MAP2K1: variants seen among roughly 807,000 people sequenced by gnomAD.
MAP2K1 encodes dual specificity mitogen-activated protein kinase kinase 1.
A neutral mutation model predicts 46.3 loss-of-function variants in MAP2K1; 16 were observed. That is an observed-to-expected ratio of 0.35 (90% CI 0.23 to 0.52). The LOEUF (loss-of-function observed/expected upper bound fraction) is 0.52, where lower values mean the gene tolerates loss of function less well. Among genes scored for constraint, MAP2K1 ranks in the 20% least tolerant of loss-of-function variants. MAP2K1 has a pLI of 0.94. For synonymous variants in MAP2K1, 183 were observed against 185.6 expected, an observed-to-expected ratio of 0.99 and a Z score of 0.11; for missense variants, 263 against 497.1, an observed-to-expected ratio of 0.53 and a Z score of 4.48.
At chr15:66,478,343 T>C (rs1319701516) in intron 5 of MAP2K1, among the ~76,000 whole-genome samples, 2 of 143,722 alleles carry the variant, frequency 1.4e-5, no homozygotes, top group East Asian at 3.9e-4. Flanking sequence ...TACACACATA[T>C]ATGTTAAATA....
chr15:66,431,999 C>T (rs1282791610), intron 1 of MAP2K1, among the ~76,000 whole-genome samples: 1 of 152,136 alleles, frequency 6.6e-6, no homozygotes, highest in Non-Finnish European at 1.5e-5. Context: ...TCCAGCTCCA[C>T]CCATGTTCCC....
At chr15:66,469,697 C>G (rs887687894) in intron 5 of MAP2K1, among the ~76,000 whole-genome samples, 4 of 132,530 alleles carry the variant, frequency 3.0e-5, no homozygotes, top group African/African-American at 1.1e-4. Context: ...TTTAAAGACA[C>G]ACACACACAC....
At chr15:66,395,392 C>G (rs2093365033) in intron 1 of MAP2K1, among the ~76,000 whole-genome samples, 1 of 152,154 alleles carries the variant, frequency 6.6e-6, no homozygotes, top group African/African-American at 2.4e-5. Flanking sequence ...TTGGCCCTGC[C>G]TTGCCTATCT....
At chr15:66,459,831 A>G (rs144291095) in intron 5 of MAP2K1, among the ~76,000 whole-genome samples, 1 of 152,102 alleles carries the variant, frequency 6.6e-6, no homozygotes, top group East Asian at 1.9e-4. Flanking sequence ...TTGTTTTATA[A>G]GCTGTTTGTA....
intron 5 of MAP2K1, among the ~76,000 whole-genome samples, chr15:66,478,066 C>T (rs991448811): frequency 6.6e-5 from 10 of 151,692 alleles, no homozygotes; most frequent in African/African-American, 1.9e-4. Flanking sequence ...GAACAGAGCT[C>T]GCCCCTCTCC....
chr15:66,449,101 T>G (rs1237673204), intron 5 of MAP2K1, among the ~76,000 whole-genome samples: 3 of 151,802 alleles, frequency 2.0e-5, no homozygotes, highest in African/African-American at 7.3e-5. Flanking sequence ...CTTGTTAAAT[T>G]ATACCACCAT....
chr15:66,488,646 G>C lies in MAP2K1; in HGVS notation c.961-569G>C, dbSNP rs934756902. 4 of 187,490 alleles carry C rather than the reference G, an allele frequency of 2.1e-5. 1 individual carries two copies. Among genetic ancestry groups the C allele is most frequent in the African/African-American group, 9.5e-5 (4 of 42,046 alleles). 11.6% of individuals were successfully genotyped at this position (187,490 alleles called of 1,614,324 possible). A position where few individuals can be genotyped will look rare whatever the true frequency, so the allele number is the denominator to read the frequency against. ...GGAATGTACAGGTAACATTCTTCCA[G>C]ATCCAGCCCTCTGTCAGTTAATGTT... On this transcript the variant is annotated intron_variant, in intron 8 of 10. Coordinates refer to ENST00000307102, the MANE Select transcript of MAP2K1 (RefSeq NM_002755.4).
At chr15:66,401,837 G>A (rs1233168466) in intron 1 of MAP2K1, 5 of 561,514 alleles carry the variant, frequency 8.9e-6, no homozygotes, top group East Asian at 4.0e-5. Flanking sequence ...AAGAGAGCAC[G>A]GGATGAGCAA....
intron 5 of MAP2K1, among the ~76,000 whole-genome samples, chr15:66,458,358 A>T (rs1188401524): frequency 2.0e-5 from 3 of 152,220 alleles, no homozygotes; most frequent in African/African-American, 7.2e-5. Flanking sequence ...GCCGTAAATT[A>T]TTTCTGCCTT....
intron 5 of MAP2K1, among the ~76,000 whole-genome samples, chr15:66,466,540 C>T (rs765619832): frequency 1.3e-4 from 20 of 151,928 alleles, no homozygotes; most frequent in Admixed American, 5.2e-4. Flanking sequence ...ATTAGCTGGG[C>T]GTGGTGGTGT....
At chr15:66,427,567 A>AAT (rs2093462404) in intron 1 of MAP2K1, among the ~76,000 whole-genome samples, 1 of 152,084 alleles carries the variant, frequency 6.6e-6, no homozygotes, top group African/African-American at 2.4e-5. Context: ...CCAAAAAAAA[A>AAT]AATAATAATA....
intron 5 of MAP2K1, among the ~76,000 whole-genome samples, chr15:66,471,068 C>T (rs971817381): frequency 5.3e-5 from 8 of 152,090 alleles, no homozygotes; most frequent in East Asian, 1.9e-4. Flanking sequence ...CAATCAGATA[C>T]GCATTTATCT....
At chr15:66,461,302 CA>C (rs558922983) in intron 5 of MAP2K1, among the ~76,000 whole-genome samples, 2 of 151,988 alleles carry the variant, frequency 1.3e-5, no homozygotes, top group South Asian at 4.2e-4. Flanking sequence ...CCATCCTGGC[CA>C]ACATGGCGAA....
intron 5 of MAP2K1, among the ~76,000 whole-genome samples, chr15:66,479,009 T>A (rs1193784564): frequency 6.6e-6 from 1 of 151,960 alleles, no homozygotes; most frequent in Non-Finnish European, 1.5e-5. Flanking sequence ...GGTGTAAGTG[T>A]CAGAGGGCCT....
At chr15:66,391,595 C>A (rs2093356374) in intron 1 of MAP2K1, among the ~76,000 whole-genome samples, 1 of 152,174 alleles carries the variant, frequency 6.6e-6, no homozygotes, top group Admixed American at 6.5e-5. Context: ...TTTGACTCAC[C>A]ACTCTGTAAG....
At chr15:66,454,205 G>A (rs1892106994) in intron 5 of MAP2K1, among the ~76,000 whole-genome samples, 1 of 152,150 alleles carries the variant, frequency 6.6e-6, no homozygotes, top group African/African-American at 2.4e-5. Flanking sequence ...TGGCTAAAGC[G>A]GGTCATGTGT....
chr15:66,485,288 A>G (rs1893010917), intron 7 of MAP2K1, 97 bp downstream of exon 7: 7 of 1,179,790 alleles, frequency 5.9e-6, no homozygotes, highest in Non-Finnish European at 8.3e-6. Context: ...ACATTCTGCC[A>G]AGACTGATTC....
chr15:66,419,551 A>G (rs1003990872), intron 1 of MAP2K1, among the ~76,000 whole-genome samples: 7 of 152,070 alleles, frequency 4.6e-5, no homozygotes, highest in Non-Finnish European at 1.0e-4. Context: ...TGCGGCTAAT[A>G]TGAAACACAT....
chr15:66,467,643 C>G (rs1213556661), intron 5 of MAP2K1, among the ~76,000 whole-genome samples: 2 of 152,196 alleles, frequency 1.3e-5, no homozygotes, highest in Non-Finnish European at 2.9e-5. Flanking sequence ...TCACTGCAAC[C>G]TGCGCCTCCT....
Sources: allele counts gnomAD v4.1 joint callset (sites outside exome capture counted in the v4.1 genomes callset), GRCh38; gene constraint gnomAD v4.1.1; transcripts MANE v1.5; gene names NCBI Gene and HGNC (gene_info 2026-07-23, HGNC 2026-07-21).